The following KCTD8 variants were observed in gnomAD, a reference collection of about 807,000 sequenced individuals.
KCTD8 encodes the protein potassium channel tetramerization domain containing 8.
In KCTD8, 27 loss-of-function variants were observed where a neutral mutation model predicts 31.5. That is an observed-to-expected ratio of 0.86 (90% CI 0.63 to 1.18). The LOEUF (loss-of-function observed/expected upper bound fraction) is 1.18, where lower values mean the gene tolerates loss of function less well. Among genes scored for constraint, KCTD8 ranks in the 50% most tolerant of loss-of-function variants. The probability of loss-of-function intolerance (pLI) is 0.00; values close to 1 mark genes in which losing one functional copy is unlikely to be tolerated. For missense variants in KCTD8, 658 were observed against 647.7 expected (o/e 1.02, Z -0.17); for synonymous variants, 290 against 280.0 (o/e 1.04, Z -0.36).
chr4:44,375,759 C>A (rs552102894), intron 1 of KCTD8, among the ~76,000 whole-genome samples: 1 of 152,230 alleles, frequency 6.6e-6, no homozygotes, highest in African/African-American at 2.4e-5. Flanking sequence ...CGGTGAGCCT[C>A]ACACAAGGTT....
At chr4:44,411,447 T>A (rs1163930559) in intron 1 of KCTD8, among the ~76,000 whole-genome samples, 1 of 149,756 alleles carries the variant, frequency 6.7e-6, no homozygotes, top group African/African-American at 2.5e-5. Context: ...ATTCATATAA[T>A]CATTATTTGT....
intron 1 of KCTD8, among the ~76,000 whole-genome samples, chr4:44,180,907 T>C (rs1713363389): frequency 6.6e-6 from 1 of 152,104 alleles, no homozygotes; most frequent in South Asian, 2.1e-4. Flanking sequence ...TGAATAGAAA[T>C]TACCACAGAA....
At chr4:44,317,699 C>A (rs1410325779) in intron 1 of KCTD8, among the ~76,000 whole-genome samples, 1 of 152,144 alleles carries the variant, frequency 6.6e-6, no homozygotes, top group Non-Finnish European at 1.5e-5. Flanking sequence ...AAGGTCATTG[C>A]CAAGGTCTGA....
chr4:44,267,103 A>C (rs1471826567), intron 1 of KCTD8, among the ~76,000 whole-genome samples: 1 of 152,086 alleles, frequency 6.6e-6, no homozygotes, highest in Non-Finnish European at 1.5e-5. Flanking sequence ...TTTTTTCAGC[A>C]CCACACCACA....
At chr4:44,426,313 CA>C (rs36116210) in intron 1 of KCTD8, among the ~76,000 whole-genome samples, 7,529 of 137,738 alleles carry the variant, frequency 0.055, 249 homozygotes, top group Non-Finnish European at 0.084. Flanking sequence ...TCAAACCCAC[CA>C]AAAAAAATTA....
chr4:44,415,322 A>C (rs966763917), intron 1 of KCTD8, among the ~76,000 whole-genome samples: 4 of 152,180 alleles, frequency 2.6e-5, no homozygotes, highest in African/African-American at 9.6e-5. Flanking sequence ...AAGTAGAGCA[A>C]AAACATTTGA....
chr4:44,324,150 GA>G (rs1419633244), intron 1 of KCTD8, among the ~76,000 whole-genome samples: 1 of 151,396 alleles, frequency 6.6e-6, no homozygotes, highest in Non-Finnish European at 1.5e-5. Flanking sequence ...AGGGCTAAAT[GA>G]ATTAAATATT....
At chr4:44,226,887 G>GT (rs375700465) in intron 1 of KCTD8, among the ~76,000 whole-genome samples, 6,088 of 145,664 alleles carry the variant, frequency 0.042, 397 homozygotes, top group African/African-American at 0.14. Context: ...AGATGGAGTT[G>GT]TTTTTTTTTT....
Position 44,448,444 on chromosome 4 carries a change from C to CT in KCTD8, c.79_80insA (p.Gly27GlufsTer18), listed in dbSNP as rs1288946598. ...CCCCGGGGCGGCGGCGGCCGACGCG[C>CT]CGGGCGAGCTGGACGAGGAAACCAT... On this transcript the variant is annotated frameshift_variant, in exon 1 of 2. Coordinates refer to ENST00000360029, the MANE Select transcript of KCTD8 (RefSeq NM_198353.3). LOFTEE classifies it high-confidence loss of function. The surrounding 1 kb of genome is among the most constrained non-coding windows in gnomAD (Gnocchi z 4.1). 7 of 1,547,062 alleles carry CT rather than the reference C, an allele frequency of 4.5e-6. No homozygotes were observed. Among genetic ancestry groups the CT allele is most frequent in the Non-Finnish European group, 6.1e-6 (7 of 1,154,928 alleles).
chr4:44,351,730 A>G (rs115400777), intron 1 of KCTD8, among the ~76,000 whole-genome samples: 23 of 152,238 alleles, frequency 1.5e-4, no homozygotes, highest in African/African-American at 5.3e-4. Context: ...TCCTTGAAAT[A>G]ATGAATGTGA....
chr4:44,414,665 T>C (rs945953154), intron 1 of KCTD8, among the ~76,000 whole-genome samples: 8 of 152,182 alleles, frequency 5.3e-5, no homozygotes, highest in Admixed American at 5.2e-4. Context: ...TAACACTTTC[T>C]TGCATAGATA....
At chr4:44,310,037 TG>T (rs1234627755) in intron 1 of KCTD8, among the ~76,000 whole-genome samples, 1 of 152,010 alleles carries the variant, frequency 6.6e-6, no homozygotes, top group Non-Finnish European at 1.5e-5. Flanking sequence ...AAGAAAGAAA[TG>T]TATATTGTTT....
chr4:44,346,187 T>G (rs942183969), intron 1 of KCTD8, among the ~76,000 whole-genome samples: 1 of 152,292 alleles, frequency 6.6e-6, no homozygotes, highest in East Asian at 1.9e-4. Context: ...AATGATCACA[T>G]GTACATTTCT....
intron 1 of KCTD8, among the ~76,000 whole-genome samples, chr4:44,397,117 G>A (rs879447112): frequency 6.6e-6 from 1 of 152,112 alleles, no homozygotes; most frequent in African/African-American, 2.4e-5. Flanking sequence ...AGGTTCTTAA[G>A]TTAACTAGAT....
intron 1 of KCTD8, among the ~76,000 whole-genome samples, chr4:44,295,215 G>A (rs1191138442): frequency 6.6e-6 from 1 of 152,152 alleles, no homozygotes; most frequent in Non-Finnish European, 1.5e-5. Context: ...AGGATTGCTT[G>A]AGTCCAGGAA....
chr4:44,327,676 A>T (rs1339894232), intron 1 of KCTD8, among the ~76,000 whole-genome samples: 2 of 149,408 alleles, frequency 1.3e-5, no homozygotes, highest in African/African-American at 5.1e-5. Context: ...CTCTGGGGGA[A>T]AAAAAACAAA....
intron 1 of KCTD8, among the ~76,000 whole-genome samples, chr4:44,404,813 T>C (rs1406390999): frequency 6.6e-6 from 1 of 152,210 alleles, no homozygotes; most frequent in African/African-American, 2.4e-5. Flanking sequence ...ATAAAAGTAA[T>C]GAAGCCTGTC....
chr4:44,326,320 G>C (rs1160584292), intron 1 of KCTD8, among the ~76,000 whole-genome samples: 1 of 151,574 alleles, frequency 6.6e-6, no homozygotes, highest in Non-Finnish European at 1.5e-5. Context: ...TGTCTATTTT[G>C]GTAGCTGTCT....
chr4:44,406,001 T>G (rs1445075966), intron 1 of KCTD8, among the ~76,000 whole-genome samples: 1 of 152,160 alleles, frequency 6.6e-6, no homozygotes, highest in African/African-American at 2.4e-5. Flanking sequence ...GATCAACACA[T>G]TTTTCATTTC....
Sources: allele counts gnomAD v4.1 joint callset (sites outside exome capture counted in the v4.1 genomes callset), GRCh38; gene constraint gnomAD v4.1.1; non-coding constraint Gnocchi (gnomAD v3.1); transcripts MANE v1.5; gene names NCBI Gene and HGNC (gene_info 2026-07-23, HGNC 2026-07-21).